The following APBB1IP variants were observed in gnomAD, a reference collection of about 807,000 sequenced individuals.
APBB1IP encodes the protein amyloid beta precursor protein binding family B member 1 interacting protein.
A neutral mutation model predicts 64.9 loss-of-function variants in APBB1IP; 27 were observed. The observed-to-expected ratio is 0.42, with a 90% CI of 0.31 to 0.57. The LOEUF (loss-of-function observed/expected upper bound fraction) is 0.57, where lower values mean the gene tolerates loss of function less well. Among genes scored for constraint, APBB1IP ranks in the 20% least tolerant of loss-of-function variants. The probability of loss-of-function intolerance (pLI) is 0.20; values close to 1 mark genes in which losing one functional copy is unlikely to be tolerated. For missense variants in APBB1IP, 812 were observed against 845.5 expected (o/e 0.96, Z 0.49); for synonymous variants, 392 against 331.0 (o/e 1.18, Z -2.00).
intron 8 of APBB1IP, among the ~76,000 whole-genome samples, chr10:26,516,999 A>G (rs1836339994): frequency 6.6e-6 from 1 of 152,082 alleles, no homozygotes; most frequent in Non-Finnish European, 1.5e-5. Flanking sequence ...GATAAGGGCT[A>G]TTTTCTCGCC....
At chr10:26,490,681 A>G (rs1835944654) in intron 2 of APBB1IP, among the ~76,000 whole-genome samples, 1 of 152,222 alleles carries the variant, frequency 6.6e-6, no homozygotes. Context: ...ATTCTGAAAT[A>G]TTTATGGAAA....
At chr10:26,491,584 A>C (rs1413212199) in intron 2 of APBB1IP, among the ~76,000 whole-genome samples, 1 of 152,152 alleles carries the variant, frequency 6.6e-6, no homozygotes, top group Non-Finnish European at 1.5e-5. Context: ...AATGTAAAAA[A>C]AGTTTTCTTT....
chr10:26,499,633 T>C (rs1007205960), intron 4 of APBB1IP, among the ~76,000 whole-genome samples: 1 of 152,076 alleles, frequency 6.6e-6, no homozygotes, highest in South Asian at 2.1e-4. Flanking sequence ...GTATGCCTGA[T>C]CATCAAAGTA....
rs758039920 is a variant in APBB1IP at position 26,540,511 on chromosome 10, T to C, written c.1045-1071T>C. On this transcript the variant is annotated intron_variant, in intron 10 of 14. Transcript: ENST00000376236. The stretch of plus-strand genomic sequence containing the variant: ...ATGTGCATTTTATTATTTATATATA[T>C]ATATATTTTAAATGTGACTAATATG... 4.0e-5 allele frequency among the ~76,000 whole-genome samples: 6 copies of C among 151,882 alleles called. No individual in the cohort carries two copies. The South Asian group carries it at 8.3e-4, about 21-fold the overall frequency.
At chr10:26,494,631 G>A (rs990229065) in intron 3 of APBB1IP, among the ~76,000 whole-genome samples, 5 of 152,034 alleles carry the variant, frequency 3.3e-5, no homozygotes, top group Admixed American at 6.5e-5. Flanking sequence ...TCGAGACCAC[G>A]CTGGCCAATA....
At chr10:26,492,998 A>C (rs911149141) in intron 3 of APBB1IP, among the ~76,000 whole-genome samples, 17 of 152,194 alleles carry the variant, frequency 1.1e-4, no homozygotes, top group African/African-American at 3.9e-4. Context: ...TGCATAAGGC[A>C]GACACCCCCA....
At chr10:26,456,911 G>A (rs1298616641) in intron 2 of APBB1IP, among the ~76,000 whole-genome samples, 2 of 152,132 alleles carry the variant, frequency 1.3e-5, no homozygotes, top group East Asian at 3.8e-4. Context: ...GGGAAAGTGT[G>A]GGACAAGTTC....
intron 2 of APBB1IP, among the ~76,000 whole-genome samples, chr10:26,444,025 A>G (rs1835365399): frequency 6.6e-6 from 1 of 152,238 alleles, no homozygotes; most frequent in Non-Finnish European, 1.5e-5. Context: ...AGGTATTAGT[A>G]AGCGAAAAGC....
chr10:26,552,276 G>T (rs1025015948), intron 11 of APBB1IP, among the ~76,000 whole-genome samples: 2 of 152,134 alleles, frequency 1.3e-5, no homozygotes, highest in Non-Finnish European at 2.9e-5. Flanking sequence ...TCCAGCCGGG[G>T]CAACAGAGTG....
chr10:26,531,598 C>T (rs1418034560), intron 8 of APBB1IP, among the ~76,000 whole-genome samples: 4 of 151,182 alleles, frequency 2.6e-5, no homozygotes, highest in Non-Finnish European at 5.9e-5. Context: ...ACCTGAGAGG[C>T]GGAGCTTGCA....
Position 26,567,234 on chromosome 10 carries a change from G to C in APBB1IP, c.1747G>C (p.Val583Leu). 7.6e-7 allele frequency: 1 copy of C among 1,318,054 alleles called. No homozygotes were observed. Among genetic ancestry groups the C allele is most frequent in the Non-Finnish European group, 9.7e-7 (1 of 1,035,186 alleles). The allele number at this position is 1,318,054 out of a possible 1,614,324, so 81.6% of individuals were successfully genotyped here. A position where few individuals can be genotyped will look rare whatever the true frequency, so the allele number is the denominator to read the frequency against. The stretch of plus-strand genomic sequence containing the variant: ...CTTCATGGAGCCGCCCCCAGACTTC[G>C]TGCCCCCGCCCCCGCCGTCGTACGC... ...PDFMEPPPDF[V>L]PPPPPSYAGI... Residue 583 changes from valine to leucine, a missense_variant, in exon 15 of 15, where the codon GTG becomes CTG. Coordinates refer to ENST00000376236, the MANE Select transcript of APBB1IP (RefSeq NM_019043.4).
At chr10:26,450,608 T>C (rs1306652871) in intron 2 of APBB1IP, among the ~76,000 whole-genome samples, 1 of 152,192 alleles carries the variant, frequency 6.6e-6, no homozygotes, top group Non-Finnish European at 1.5e-5. Context: ...CAATTACTCT[T>C]TGTGGAACAC....
intron 2 of APBB1IP, among the ~76,000 whole-genome samples, chr10:26,457,528 T>C (rs1835540936): frequency 6.6e-6 from 1 of 152,182 alleles, no homozygotes; most frequent in Non-Finnish European, 1.5e-5. Context: ...GTATCTGATT[T>C]TCATCCAGGG....
At chr10:26,481,824 TAC>T (rs1491545144) in intron 2 of APBB1IP, among the ~76,000 whole-genome samples, 4 of 127,692 alleles carry the variant, frequency 3.1e-5, no homozygotes, top group African/African-American at 9.2e-5. Flanking sequence ...CCCATCTCAT[TAC>T]GTGTGTGTGT....
intron 8 of APBB1IP, among the ~76,000 whole-genome samples, chr10:26,524,416 A>G (rs1310155379): frequency 6.6e-6 from 1 of 152,154 alleles, no homozygotes; most frequent in African/African-American, 2.4e-5. Flanking sequence ...AAAAAAAACA[A>G]CAACAAATTA....
chr10:26,552,843 G>A (rs1836848986), intron 11 of APBB1IP, among the ~76,000 whole-genome samples: 1 of 152,100 alleles, frequency 6.6e-6, no homozygotes, highest in Non-Finnish European at 1.5e-5. Flanking sequence ...CAAACCCTCT[G>A]CAGACAATTC....
At chr10:26,504,723 A>T (rs10829012) in intron 6 of APBB1IP, among the ~76,000 whole-genome samples, 14,494 of 145,330 alleles carry the variant, frequency 0.1, 930 homozygotes, top group East Asian at 0.23. Context: ...AAAAAAAATT[A>T]AAAAAAAAAA....
intron 2 of APBB1IP, among the ~76,000 whole-genome samples, chr10:26,473,740 G>A (rs1311861361): frequency 6.6e-6 from 1 of 152,140 alleles, no homozygotes; most frequent in Non-Finnish European, 1.5e-5. Flanking sequence ...AGTGGCCCAT[G>A]CCTGTAATTC....
In APBB1IP at chr10:26,495,422, C is replaced by T. The variant is rs576487512; in HGVS notation, c.73-882C>T. ...CAGTGGGGGAAGTGTTCTGATGGGT[C>T]AGAGTCTGGGATTTTTGCAGGACCA... On this transcript the variant is annotated intron_variant, in intron 3 of 14. Transcript: ENST00000376236. Among the ~76,000 whole-genome samples, 4 of 151,692 alleles carry T rather than the reference C, an allele frequency of 2.6e-5. No homozygotes were observed. The South Asian group carries it at 6.3e-4, about 24-fold the overall frequency.
Sources: allele counts gnomAD v4.1 joint callset (sites outside exome capture counted in the v4.1 genomes callset), GRCh38; gene constraint gnomAD v4.1.1; transcripts MANE v1.5; gene names NCBI Gene and HGNC (gene_info 2026-07-23, HGNC 2026-07-21).